TPMT: variants seen among roughly 807,000 people sequenced by gnomAD.
TPMT encodes the protein thiopurine S-methyltransferase, also known as S-adenosyl-L-methionine:thiopurine S-methyltransferase.
In TPMT, 18 loss-of-function variants were observed where a neutral mutation model predicts 34.2. That is an observed-to-expected ratio of 0.53 (90% CI 0.36 to 0.78). The LOEUF (loss-of-function observed/expected upper bound fraction) is 0.78. Ranked by LOEUF, TPMT falls within the 30% of genes least tolerant of loss-of-function variation. The probability of loss-of-function intolerance (pLI) is 0.00; values close to 1 mark genes in which losing one functional copy is unlikely to be tolerated. For missense variants in TPMT, 265 were observed against 288.1 expected (o/e 0.92, Z 0.58); for synonymous variants, 69 against 92.4 (o/e 0.75, Z 1.45).
At chr6:18,137,427 G>A (rs759557851) in intron 6 of TPMT, among the ~76,000 whole-genome samples, 5 of 152,022 alleles carry the variant, frequency 3.3e-5, no homozygotes, top group Admixed American at 6.6e-5. Context: ...GAGCCACTGC[G>A]CCCAGCCTCC....
chr6:18,149,710 C>T lies in TPMT; in HGVS notation c.-44-539G>A, dbSNP rs1252814843. On this transcript the variant is annotated intron_variant, in intron 1 of 8. Transcript: ENST00000309983. The surrounding 1 kb of genome is among the most constrained non-coding windows in gnomAD (Gnocchi z 5.0). ...GAACGCCTGGGCTCAAGGGATCCTT[C>T]TGTCTTGGCCTCGCAAAGCACTGGG... is the stretch of plus-strand genomic sequence containing the variant. 1.3e-5 allele frequency among the ~76,000 whole-genome samples: 2 copies of T among 152,140 alleles called. No individual in the cohort carries two copies. The highest frequency in any genetic ancestry group is 4.8e-5 in the African/African-American group (2 of 41,438).
Position 18,130,154 on chromosome 6 carries a change from G to A in TPMT, c.*514C>T, listed in dbSNP as rs532306797. ...CAAAAAATTAGCTGGGCGTGGTGGC[G>A]CACACCTGTAATCCCAGCTACTCAG... On this transcript the variant is annotated 3_prime_UTR_variant, in exon 9 of 9. Transcript: ENST00000309983. This position sits in a 1 kb window ranked among gnomAD's most constrained non-coding sequence, Gnocchi z 4.2. The A allele has an allele frequency of 2.3e-3, 358 of 155,408 alleles. 8 individuals carry two copies. In the South Asian group the frequency reaches 0.039, roughly 17 times the overall value. 9.6% of individuals were successfully genotyped at this position (155,408 alleles called of 1,614,324 possible). A position where few individuals can be genotyped will look rare whatever the true frequency, so the allele number is the denominator to read the frequency against.
Position 18,153,316 on chromosome 6 carries a change from T to A in TPMT, c.-45+1717A>T, listed in dbSNP as rs1020780761. Among the ~76,000 whole-genome samples the A allele has an allele frequency of 1.3e-5, 2 of 152,212 alleles. No homozygotes were observed. The highest frequency in any genetic ancestry group is 6.5e-5 in the Admixed American group (1 of 15,274). On this transcript the variant is annotated intron_variant, in intron 1 of 8. Transcript: ENST00000309983. This position sits in a 1 kb window ranked among gnomAD's most constrained non-coding sequence, Gnocchi z 4.2. ...CTGACAGACCATAACTGCAGATCCA[T>A]CTGAATGTATGAGGAAAATGCCTTT... is the stretch of plus-strand genomic sequence containing the variant.
At chr6:18,152,519 A>G (rs1039221944) in intron 1 of TPMT, among the ~76,000 whole-genome samples, 31 of 152,132 alleles carry the variant, frequency 2.0e-4, no homozygotes, top group Non-Finnish European at 5.9e-5. Context: ...AGACATGTAC[A>G]ATGTAAACTA....
rs1561890207 is a variant in TPMT, at chr6:18,143,546, A to C, written c.366+50T>G. 1 of 1,610,622 alleles carries C rather than the reference A, an allele frequency of 6.2e-7. No homozygotes were observed. Among genetic ancestry groups the C allele is most frequent in the Non-Finnish European group, 8.5e-7 (1 of 1,179,288 alleles). On this transcript the variant is annotated intron_variant, in intron 4 of 8. Coordinates refer to ENST00000309983, the MANE Select transcript of TPMT (RefSeq NM_000367.5). The surrounding 1 kb of genome is among the most constrained non-coding windows in gnomAD (Gnocchi z 6.1). ...ATCCTCATAATACTCACACTGAGAA[A>C]AACTTTTGTGGGGATATGGATACAA...
Position 18,139,524 on chromosome 6 carries a change from T to A in TPMT, c.419+141A>T. 1 of 740,356 alleles carries A rather than the reference T, an allele frequency of 1.4e-6. No individual in the cohort carries two copies. The highest frequency in any genetic ancestry group is 2.4e-6 in the Non-Finnish European group (1 of 419,824). The allele number at this position is 740,356 out of a possible 1,614,324, so 45.9% of individuals were successfully genotyped here. A position where few individuals can be genotyped will look rare whatever the true frequency, so the allele number is the denominator to read the frequency against. On this transcript the variant is annotated intron_variant, in intron 5 of 8. Transcript: ENST00000309983. The surrounding 1 kb of genome is among the most constrained non-coding windows in gnomAD (Gnocchi z 4.2). ...TGCAGACGAGTGTGTAATAAAAATA[T>A]CTGCAGAACAGACATTCAAAAAAAT...
chr6:18,135,180 T>A lies in TPMT; in HGVS notation c.495-1291A>T, dbSNP rs79192474. Among the ~76,000 whole-genome samples, 856 of 152,358 alleles carry A rather than the reference T, an allele frequency of 5.6e-3. 1 individual carries two copies. The highest frequency in any genetic ancestry group is 9.4e-3 in the Non-Finnish European group (637 of 68,030). On this transcript the variant is annotated intron_variant, in intron 6 of 8. Transcript: ENST00000309983. The surrounding 1 kb of genome is among the most constrained non-coding windows in gnomAD (Gnocchi z 5.0). ...TTCACCAGTGGATCACTCTTCCTTG[T>A]AGGTGAAAGAACCACATCAAAGCAA...
chr6:18,147,196 T>C (rs939139086), intron 3 of TPMT, among the ~76,000 whole-genome samples: 1 of 152,234 alleles, frequency 6.6e-6, no homozygotes, highest in Non-Finnish European at 1.5e-5. Flanking sequence ...TATGATTGTA[T>C]CTGTATATTA....
rs1192265572 is a variant in TPMT at position 18,132,024 on chromosome 6, A to T, written c.625+109T>A. The T allele has an allele frequency of 1.7e-6, 2 of 1,177,620 alleles. No homozygotes were observed. The highest frequency in any genetic ancestry group is 2.4e-5 in the East Asian group (1 of 41,636). 72.9% of individuals were successfully genotyped at this position (1,177,620 alleles called of 1,614,324 possible). Reference sequence around the variant, plus strand: ...ACTCCTGGCCTCAGGTGATCTGCCCACCTTGGCCTCCCAAAGTGCTGGAAA... The same window carrying T: ...ACTCCTGGCCTCAGGTGATCTGCCCTCCTTGGCCTCCCAAAGTGCTGGAAA... On this transcript the variant is annotated intron_variant, in intron 8 of 8. Coordinates refer to ENST00000309983, the MANE Select transcript of TPMT (RefSeq NM_000367.5). The surrounding 1 kb of genome is among the most constrained non-coding windows in gnomAD (Gnocchi z 4.8).
In TPMT at chr6:18,139,699, A is replaced by G. The variant is rs1396619437; in HGVS notation, c.385T>C (p.Ser129Pro). ...TCAAAAATACTGCAACAGTACAATG[A>G]AATGTTCCCCGAAGAACTCTGTAAT... ...KVFKSSSGNI[S>P]LYCCSIFDLP... is the part of the protein sequence containing the mutation. Residue 129 changes from serine (S) to proline (P), a missense_variant, in exon 5 of 9, where the codon TCA (serine) becomes CCA (proline). By Grantham distance (74) the Ser-to-Pro change is moderately conservative (BLOSUM62 -1). Coordinates refer to ENST00000309983, the MANE Select transcript of TPMT (RefSeq NM_000367.5). The surrounding 1 kb of genome is among the most constrained non-coding windows in gnomAD (Gnocchi z 4.2). The G allele has an allele frequency of 1.9e-6, 3 of 1,613,230 alleles. No individual in the cohort carries two copies. Among genetic ancestry groups the G allele is most frequent in the Non-Finnish European group, 2.5e-6 (3 of 1,179,768 alleles).
At position 18,154,051 on chromosome 6, in the gene TPMT, G is replaced by A. The variant is rs566545167; in HGVS notation, c.-45+982C>T. Among the ~76,000 whole-genome samples, 20 of 152,262 alleles carry A rather than the reference G, an allele frequency of 1.3e-4. 1 individual carries two copies. In the South Asian group the frequency reaches 2.3e-3, roughly 17 times the overall value. On this transcript the variant is annotated intron_variant, in intron 1 of 8. Coordinates refer to ENST00000309983, the MANE Select transcript of TPMT (RefSeq NM_000367.5). This position sits in a 1 kb window ranked among gnomAD's most constrained non-coding sequence, Gnocchi z 4.2. Reference sequence around the variant, plus strand: ...TCTCACTTCAACCTCCTGAGTACCTGGGACTATAAGGGTGCACCACCATGC... The same window carrying A: ...TCTCACTTCAACCTCCTGAGTACCTAGGACTATAAGGGTGCACCACCATGC...
chr6:18,144,807 A>G (rs936052267), intron 3 of TPMT, among the ~76,000 whole-genome samples: 11 of 150,828 alleles, frequency 7.3e-5, no homozygotes, highest in African/African-American at 2.4e-4. Flanking sequence ...TGCAACCTCC[A>G]CCTCCCGAGT....
In TPMT at chr6:18,132,846, C is replaced by T. The variant is rs969178757; in HGVS notation, c.581-669G>A. Among the ~76,000 whole-genome samples, 3 of 152,168 alleles carry T rather than the reference C, an allele frequency of 2.0e-5. No individual in the cohort carries two copies. The highest frequency in any genetic ancestry group is 7.2e-5 in the African/African-American group (3 of 41,512). On this transcript the variant is annotated intron_variant, in intron 7 of 8. Transcript: ENST00000309983. This position sits in a 1 kb window ranked among gnomAD's most constrained non-coding sequence, Gnocchi z 4.8. Reference sequence around the variant, plus strand: ...CGGTGGCTCACGCCTGTAATCCCAGCACTTTGGGAGGCTGAGGAGGGCGGA... The same window carrying T: ...CGGTGGCTCACGCCTGTAATCCCAGTACTTTGGGAGGCTGAGGAGGGCGGA...
Position 18,143,751 on chromosome 6 carries a change from A to C in TPMT, c.234-23T>G, listed in dbSNP as rs1173387941. Reference sequence around the variant, plus strand: ...AACCTGCATAAAATCATACATTTACACTTAAATTATGTTTTCAAATGACTA... The same window carrying C: ...AACCTGCATAAAATCATACATTTACCCTTAAATTATGTTTTCAAATGACTA... On this transcript the variant is annotated intron_variant, in intron 3 of 8. Coordinates refer to ENST00000309983, the MANE Select transcript of TPMT (RefSeq NM_000367.5). The surrounding 1 kb of genome is among the most constrained non-coding windows in gnomAD (Gnocchi z 6.1). 1.9e-6 allele frequency: 3 copies of C among 1,613,550 alleles called. No homozygotes were observed. In the South Asian group the frequency reaches 3.3e-5, roughly 18 times the overall value.
chr6:18,143,498 G>A lies in TPMT; in HGVS notation c.366+98C>T. On this transcript the variant is annotated intron_variant, in intron 4 of 8. Transcript: ENST00000309983. The surrounding 1 kb of genome is among the most constrained non-coding windows in gnomAD (Gnocchi z 6.1). The stretch of plus-strand genomic sequence containing the variant: ...TACAGTGAATCTGCGTGCTAAATAG[G>A]AACCATCGGACACATGAATGGTATC... 1 of 1,505,546 alleles carries A rather than the reference G, an allele frequency of 6.6e-7. No individual in the cohort carries two copies. The highest frequency in any genetic ancestry group is 1.1e-5 in the South Asian group (1 of 87,742). The allele number at this position is 1,505,546 out of a possible 1,614,324, so 93.3% of individuals were successfully genotyped here. A position where few individuals can be genotyped will look rare whatever the true frequency, so the allele number is the denominator to read the frequency against.
intron 6 of TPMT, among the ~76,000 whole-genome samples, chr6:18,134,196 G>A (rs1282766408): frequency 6.6e-6 from 1 of 152,212 alleles, no homozygotes; most frequent in Non-Finnish European, 1.5e-5. Context: ...TGAGGTACTC[G>A]AGGGCCTGCT....
At chr6:18,144,102 T>C (rs1226825500) in intron 3 of TPMT, among the ~76,000 whole-genome samples, 1 of 152,204 alleles carries the variant, frequency 6.6e-6, no homozygotes, top group Non-Finnish European at 1.5e-5. Context: ...ATTTTCTGCA[T>C]TGATGAAAAT....
In TPMT at chr6:18,143,563, T is replaced by C. The variant is rs749113622; in HGVS notation, c.366+33A>G. The stretch of plus-strand genomic sequence containing the variant: ...ACTGAGAAAAACTTTTGTGGGGATA[T>C]GGATACAATTATTTACCCAAATCAA... On this transcript the variant is annotated intron_variant, in intron 4 of 8. Transcript: ENST00000309983. The surrounding 1 kb of genome is among the most constrained non-coding windows in gnomAD (Gnocchi z 6.1). 6.2e-7 allele frequency: 1 copy of C among 1,611,568 alleles called. No homozygotes were observed. Among genetic ancestry groups the C allele is most frequent in the Non-Finnish European group, 8.5e-7 (1 of 1,179,754 alleles).
Position 18,132,354 on chromosome 6 carries a change from C to T in TPMT, c.581-177G>A, listed in dbSNP as rs373322479. On this transcript the variant is annotated intron_variant, in intron 7 of 8. Coordinates refer to ENST00000309983, the MANE Select transcript of TPMT (RefSeq NM_000367.5). The surrounding 1 kb of genome is among the most constrained non-coding windows in gnomAD (Gnocchi z 4.8). ...ACTGAGAGGATGGCAATGTTACATCCCCATCATATCCATCTTTAGCTTAGA... is the reference window on the plus strand; with the variant it reads ...ACTGAGAGGATGGCAATGTTACATCTCCATCATATCCATCTTTAGCTTAGA... Among the ~76,000 whole-genome samples, 12 of 152,182 alleles carry T rather than the reference C, an allele frequency of 7.9e-5. No individual in the cohort carries two copies. The East Asian group carries it at 2.3e-3, about 29-fold the overall frequency.
Sources: gnomAD v4.1 joint callset for allele counts (sites outside exome capture counted in the v4.1 genomes callset) on GRCh38, gnomAD v4.1.1 for gene constraint, Gnocchi (gnomAD v3.1) non-coding constraint, MANE v1.5 for transcripts, NCBI Gene and HGNC (gene_info 2026-07-23, HGNC 2026-07-21) for gene names.